NR3C2: variants seen among roughly 807,000 people sequenced by gnomAD.
The protein encoded by NR3C2 is mineralocorticoid receptor.
Under a neutral mutation model 86.4 loss-of-function variants are expected in NR3C2, and 15 were observed. The ratio of observed to expected loss-of-function variants is 0.17; its 90% confidence interval spans 0.12 to 0.27. The LOEUF (loss-of-function observed/expected upper bound fraction) is 0.27. Among genes scored for constraint, NR3C2 ranks in the 10% least tolerant of loss-of-function variants. The probability of loss-of-function intolerance (pLI) is 1.00; values close to 1 mark genes in which losing one functional copy is unlikely to be tolerated. For missense variants in NR3C2, 960 were observed against 1,195.6 expected, an observed-to-expected ratio of 0.80 and a Z score of 2.91; for synonymous variants, 458 against 450.5, an observed-to-expected ratio of 1.02 and a Z score of -0.21.
intron 2 of NR3C2, among the ~76,000 whole-genome samples, chr4:148,379,250 G>GTT (rs377153799): frequency 3.3e-4 from 48 of 147,160 alleles, no homozygotes; most frequent in South Asian, 8.7e-4. Context: ...TAAATCAAGT[G>GTT]TTTTTTTTTT....
Position 148,435,354 on chromosome 4 carries a change from A to C in NR3C2, c.1507T>G (p.Tyr503Asp). 3 of 1,614,190 alleles carry C rather than the reference A, an allele frequency of 1.9e-6. No homozygotes were observed. In the African/African-American group the frequency reaches 4.0e-5, roughly 22 times the overall value. ...GAGGAAGGGATGCTGGCCTCTGGGT[A>C]ATAGCTCCCATCATCTGGTTCTTGT... ...IKQEPDDGSY[Y>D]PEASIPSSAI... The change falls in exon 2 of 9, where the codon TAC (tyrosine) becomes GAC (aspartate). Residue 503 changes from tyrosine (Y) to aspartate (D), a missense_variant. By Grantham distance (160) the Tyr-to-Asp change is radical. Coordinates refer to ENST00000358102, the MANE Select transcript of NR3C2 (RefSeq NM_000901.5).
At chr4:148,352,950 T>C (rs551909053) in intron 2 of NR3C2, among the ~76,000 whole-genome samples, 2 of 152,206 alleles carry the variant, frequency 1.3e-5, no homozygotes, top group East Asian at 1.9e-4. Flanking sequence ...AAACAATGAA[T>C]GAATAAACAT....
Position 148,435,703 on chromosome 4 carries a change from A to G in NR3C2, c.1158T>C (p.Asn386=), listed in dbSNP as rs1750020515. 1 of 1,614,144 alleles carries G rather than the reference A, an allele frequency of 6.2e-7. No homozygotes were observed. Among genetic ancestry groups the G allele is most frequent in the Non-Finnish European group, 8.5e-7 (1 of 1,180,020 alleles). ...CAATATTAAGCTGGCCAGTCACACC[A>G]TTTGAGATGGCACTCTCTACTTCCT... The part of the protein sequence containing the change: ...KTEEVESAIS[N]GVTGQLNIVQ... The change falls in exon 2 of 9, where the codon AAT becomes AAC. Residue 386 remains asparagine (N), a synonymous_variant. Coordinates refer to ENST00000358102, the MANE Select transcript of NR3C2 (RefSeq NM_000901.5).
intron 2 of NR3C2, among the ~76,000 whole-genome samples, chr4:148,319,123 T>C (rs190592310): frequency 0.18 from 26,539 of 151,224 alleles, 2,658 homozygotes; most frequent in African/African-American, 0.28. Context: ...GCACCATTTA[T>C]TAAATAGGGA....
intron 2 of NR3C2, among the ~76,000 whole-genome samples, chr4:148,421,081 G>T (rs942497663): frequency 1.3e-5 from 2 of 152,294 alleles, no homozygotes; most frequent in Non-Finnish European, 2.9e-5. Context: ...TTATATAAAT[G>T]CTTGCTGAAA....
At position 148,246,629 on chromosome 4, in the gene NR3C2, G is replaced by A. The variant is rs569667038; in HGVS notation, c.1897+13349C>T. Among the ~76,000 whole-genome samples, 10 of 152,164 alleles carry A rather than the reference G, an allele frequency of 6.6e-5. No individual in the cohort carries two copies. The South Asian group carries it at 8.3e-4, about 13-fold the overall frequency. On this transcript the variant is annotated intron_variant, in intron 3 of 8. Coordinates refer to ENST00000358102, the MANE Select transcript of NR3C2 (RefSeq NM_000901.5). ...TGCAACGGCATGATCTCGGCTCACC[G>A]CAACCTCTGTCTCCCGGGTTCAAGC...
At chr4:148,172,892 G>A (rs1735198266) in intron 4 of NR3C2, among the ~76,000 whole-genome samples, 1 of 152,158 alleles carries the variant, frequency 6.6e-6, no homozygotes, top group Non-Finnish European at 1.5e-5. Context: ...AAGCTTTATA[G>A]GAAAAGTCTT....
intron 2 of NR3C2, among the ~76,000 whole-genome samples, chr4:148,328,426 G>C (rs1744067412): frequency 1.3e-5 from 2 of 152,260 alleles, no homozygotes; most frequent in African/African-American, 4.8e-5. Flanking sequence ...TCAAAAGGGA[G>C]AAAAGATACA....
At position 148,080,826 on chromosome 4, in the gene NR3C2, G is replaced by T; in HGVS notation, c.*518C>A. On this transcript the variant is annotated 3_prime_UTR_variant, in exon 9 of 9. Transcript: ENST00000358102. ...GGCTCAGAGGCAGCTGCTGCCCCACGCCACGAGTTCTGTTATTACACAACA... is the reference window on the plus strand; with the variant it reads ...GGCTCAGAGGCAGCTGCTGCCCCACTCCACGAGTTCTGTTATTACACAACA... 1 of 425,116 alleles carries T rather than the reference G, an allele frequency of 2.4e-6. No individual in the cohort carries two copies. The highest frequency in any genetic ancestry group is 1.7e-5 in the South Asian group (1 of 59,078). The allele number at this position is 425,116 out of a possible 1,614,324, so 26.3% of individuals were successfully genotyped here. A position where few individuals can be genotyped will look rare whatever the true frequency, so the allele number is the denominator to read the frequency against.
chr4:148,314,140 T>C (rs1031390657), intron 2 of NR3C2, among the ~76,000 whole-genome samples: 2 of 152,090 alleles, frequency 1.3e-5, no homozygotes, highest in African/African-American at 2.4e-5. Flanking sequence ...AAGGACTATA[T>C]TGGGGGGAAA....
chr4:148,207,854 T>G (rs1023665208), intron 3 of NR3C2: 14 of 152,182 alleles, frequency 9.2e-5, no homozygotes, highest in African/African-American at 3.4e-4. Context: ...TAACATTTAA[T>G]GATAAATTAG....
intron 4 of NR3C2, among the ~76,000 whole-genome samples, chr4:148,193,846 T>TA (rs1467162391): frequency 6.6e-6 from 1 of 152,188 alleles, no homozygotes; most frequent in Non-Finnish European, 1.5e-5. Flanking sequence ...TGTATATAGT[T>TA]AAGAGCTGGT....
chr4:148,109,546 C>T (rs1731956940), intron 8 of NR3C2, among the ~76,000 whole-genome samples: 1 of 152,158 alleles, frequency 6.6e-6, no homozygotes, highest in South Asian at 2.1e-4. Context: ...GTTTGAATAC[C>T]TGATTACTTT....
intron 2 of NR3C2, among the ~76,000 whole-genome samples, chr4:148,386,419 T>A (rs1445301551): frequency 3.3e-5 from 5 of 152,176 alleles, no homozygotes; most frequent in Admixed American, 6.5e-5. Flanking sequence ...TAATTTTTCA[T>A]AAAAATGGCC....
At chr4:148,419,373 A>G (rs181133324) in intron 2 of NR3C2, among the ~76,000 whole-genome samples, 7 of 152,348 alleles carry the variant, frequency 4.6e-5, no homozygotes, top group African/African-American at 1.7e-4. Context: ...TGAAGCTATA[A>G]GCAAAATTAC....
At chr4:148,150,528 A>G (rs1734057495) in intron 6 of NR3C2, among the ~76,000 whole-genome samples, 1 of 152,204 alleles carries the variant, frequency 6.6e-6, no homozygotes, top group Admixed American at 6.5e-5. Flanking sequence ...AAACGGTGAA[A>G]TCACCAAAAG....
intron 2 of NR3C2, among the ~76,000 whole-genome samples, chr4:148,422,878 T>C (rs1413048737): frequency 1.3e-5 from 2 of 152,170 alleles, no homozygotes; most frequent in African/African-American, 4.8e-5. Flanking sequence ...CCTCTTCTCT[T>C]ACATTAGAGC....
rs1027660536 is a variant in NR3C2 at position 148,336,129 on chromosome 4, G to A, written c.1758-76012C>T. ...TCCCTCACAGACAACCTGATTTCCC[G>A]ACATCTTCTGGCAGCCTGTGCTCCT... On this transcript the variant is annotated intron_variant, in intron 2 of 8. Coordinates refer to ENST00000358102, the MANE Select transcript of NR3C2 (RefSeq NM_000901.5). 4.6e-5 allele frequency among the ~76,000 whole-genome samples: 7 copies of A among 152,210 alleles called. No homozygotes were observed. In the East Asian group the frequency reaches 7.7e-4, roughly 17 times the overall value.
chr4:148,161,339 G>A (rs1388899023), intron 4 of NR3C2, among the ~76,000 whole-genome samples: 1 of 151,836 alleles, frequency 6.6e-6, no homozygotes, highest in Admixed American at 6.6e-5. Context: ...AAATGAGTGA[G>A]TACCCATATA....
Sources: gnomAD v4.1 joint callset for allele counts (sites outside exome capture counted in the v4.1 genomes callset) on GRCh38, gnomAD v4.1.1 for gene constraint, MANE v1.5 for transcripts, NCBI Gene and HGNC (gene_info 2026-07-23, HGNC 2026-07-21) for gene names.